Variants in BET1 observed in about 807,000 individuals in gnomAD.
The protein encoded by BET1 is Bet1 golgi vesicular membrane trafficking protein, also known as BET1 homolog.
A neutral mutation model predicts 13.9 loss-of-function variants in BET1; 9 were observed. The observed-to-expected ratio is 0.65, with a 90% CI of 0.39 to 1.13. BET1 has a LOEUF of 1.13. Ranked by LOEUF, BET1 falls within the 50% of genes most tolerant of loss-of-function variation. BET1 has a pLI of 0.01. For synonymous variants in BET1, 39 were observed against 47.3 expected, an observed-to-expected ratio of 0.82 and a Z score of 0.72; for missense variants, 127 against 133.6, an observed-to-expected ratio of 0.95 and a Z score of 0.24.
At chr7:93,976,709 A>G (rs1293409634) in intron 4 of BET1, among the ~76,000 whole-genome samples, 2 of 151,978 alleles carry the variant, frequency 1.3e-5, no homozygotes, top group Non-Finnish European at 2.9e-5. Context: ...TTTTCGGAGA[A>G]TAGATGGTGT....
At chr7:93,968,986 T>C (rs1400689911) in intron 6 of BET1, among the ~76,000 whole-genome samples, 1 of 151,860 alleles carries the variant, frequency 6.6e-6, no homozygotes, top group East Asian at 1.9e-4. Flanking sequence ...CGTTCACCAG[T>C]GACTTCACTC....
downstream of BET1, among the ~76,000 whole-genome samples, chr7:93,990,943 G>C (rs1795621203): frequency 6.6e-6 from 1 of 151,626 alleles, no homozygotes; most frequent in African/African-American, 2.4e-5. Context: ...ATATCTCTTT[G>C]GTTCATGCAA....
intron 6 of BET1, among the ~76,000 whole-genome samples, chr7:93,967,547 G>A (rs1795194756): frequency 6.6e-6 from 1 of 151,632 alleles, no homozygotes; most frequent in African/African-American, 2.4e-5. Context: ...CAGGTTTTTT[G>A]TCTTTGCAAT....
chr7:93,976,589 T>C (rs959504971), intron 4 of BET1, among the ~76,000 whole-genome samples: 1 of 152,152 alleles, frequency 6.6e-6, no homozygotes, highest in Non-Finnish European at 1.5e-5. Flanking sequence ...AAAATAGCAA[T>C]GAACATAGCA....
chr7:93,973,659 G>T (rs1192604173), intron 5 of BET1, among the ~76,000 whole-genome samples: 1 of 152,012 alleles, frequency 6.6e-6, no homozygotes, highest in African/African-American at 2.4e-5. Flanking sequence ...GATAAGAGAG[G>T]TCTATAGGCT....
At chr7:93,979,455 G>C (rs1021754569) in intron 4 of BET1, among the ~76,000 whole-genome samples, 2 of 152,038 alleles carry the variant, frequency 1.3e-5, no homozygotes, top group Admixed American at 6.6e-5. Flanking sequence ...ATCCTAATTT[G>C]CATAACCTTG....
At chr7:93,987,285 G>A (rs767964067) in intron 4 of BET1, 6 of 152,036 alleles carry the variant, frequency 3.9e-5, no homozygotes, top group Non-Finnish European at 8.8e-5. Flanking sequence ...GAGGTATAGT[G>A]GAAGGAAAGC....
chr7:93,979,247 T>C (rs1302653914), intron 4 of BET1, among the ~76,000 whole-genome samples: 1 of 152,154 alleles, frequency 6.6e-6, no homozygotes, highest in African/African-American at 2.4e-5. Flanking sequence ...AAGGATTGTC[T>C]GGATGCTGGG....
At chr7:93,999,096 A>G (rs1795835630) in intron 2 of BET1, 74 bp downstream of exon 2, 1 of 1,150,768 alleles carries the variant, frequency 8.7e-7, no homozygotes, top group Non-Finnish European at 1.1e-6. Context: ...GACGTCAATA[A>G]GAATATATAG....
chr7:93,995,277 C>T (rs912973442), intron 3 of BET1, among the ~76,000 whole-genome samples: 3 of 152,088 alleles, frequency 2.0e-5, no homozygotes, highest in Non-Finnish European at 4.4e-5. Context: ...GAAAAACTAA[C>T]GTATTAAAAC....
chr7:93,964,841 G>T (rs1373715434), exon 7 of BET1: 2 of 152,114 alleles, frequency 1.3e-5, no homozygotes, highest in East Asian at 3.9e-4. Flanking sequence ...TGGCGGGGCT[G>T]CAGAGAAAAG....
intron 2 of BET1, among the ~76,000 whole-genome samples, chr7:93,996,877 C>T (rs975367393): frequency 1.1e-4 from 17 of 151,688 alleles, no homozygotes; most frequent in African/African-American, 4.1e-4. Context: ...CTAGAAGTAC[C>T]CATACAACCA....
At chr7:93,978,229 C>T (rs962214837) in intron 4 of BET1, among the ~76,000 whole-genome samples, 6 of 152,014 alleles carry the variant, frequency 3.9e-5, no homozygotes, top group African/African-American at 1.4e-4. Flanking sequence ...ACCATGATGC[C>T]CGGTTAATTT....
intron 6 of BET1, among the ~76,000 whole-genome samples, chr7:93,966,978 G>T (rs576399044): frequency 2.0e-5 from 3 of 151,868 alleles, no homozygotes; most frequent in South Asian, 4.1e-4. Flanking sequence ...CATTGTAAGG[G>T]TAATATATAC....
At position 93,994,234 on chromosome 7, in the gene BET1, C is replaced by G. The variant is rs142927369; in HGVS notation, c.353G>C (p.Arg118Thr). Reference sequence around the variant, plus strand: ...CCAAATTCACAATTACATGCATCACCTCAGTTTAATAATCCAATAAATGAT... The same window carrying G: ...CCAAATTCACAATTACATGCATCACGTCAGTTTAATAATCCAATAAATGAT... ...FFIIYWIIKL[R>T] The change falls in exon 4 of 4, where the codon AGG becomes ACG. Residue 118 changes from arginine to threonine, a missense_variant. Physicochemically the swap from Arg to Thr is moderately conservative, Grantham distance 71. Transcript: ENST00000222547. 115 of 1,601,028 alleles carry G rather than the reference C, an allele frequency of 7.2e-5. No individual in the cohort carries two copies. In the African/African-American group the frequency reaches 1.3e-3, roughly 18 times the overall value.
chr7:93,998,461 G>A (rs1406733033), intron 2 of BET1, among the ~76,000 whole-genome samples: 1 of 151,948 alleles, frequency 6.6e-6, no homozygotes, highest in Non-Finnish European at 1.5e-5. Flanking sequence ...CACTTTGGGA[G>A]GCCAAGGCGG....
Position 93,994,291 on chromosome 7 carries a change from T to A in BET1, c.296A>T (p.Tyr99Phe). The A allele has an allele frequency of 6.2e-7, 1 of 1,613,780 alleles. No homozygotes were observed. The highest frequency in any genetic ancestry group is 8.5e-7 in the Non-Finnish European group (1 of 1,179,870). Residue 99 changes from tyrosine (Y) to phenylalanine (F), a missense_variant, in exon 4 of 4, where the codon TAT (tyrosine) becomes TTT (phenylalanine). Coordinates refer to ENST00000222547, the MANE Select transcript of BET1 (RefSeq NM_005868.6). ...SRGSQTKLLC[Y>F]MMLFSLFVFF... ...GACAAATAAAGAAAACAGCATCATA[T>A]AGCACAGCAGCTTTGTTTGGCTCCC...
intron 3 of BET1, 93 bp from the exon 4 acceptor site, chr7:93,994,478 C>A (rs1668075763): frequency 1.5e-6 from 2 of 1,298,386 alleles, no homozygotes. Flanking sequence ...TACCATAGTA[C>A]ATTTGTAATG....
chr7:93,962,925 C>T (rs1290118074), exon 7 of BET1: 2 of 152,024 alleles, frequency 1.3e-5, no homozygotes, highest in Admixed American at 6.6e-5. Context: ...ATACATTAGA[C>T]TCTTTAACTA....
Sources: gnomAD v4.1 joint callset for allele counts (sites outside exome capture counted in the v4.1 genomes callset) on GRCh38, gnomAD v4.1.1 for gene constraint, MANE v1.5 for transcripts, NCBI Gene and HGNC (gene_info 2026-07-23, HGNC 2026-07-21) for gene names.